JDP2: variants seen among roughly 807,000 people sequenced by gnomAD.
JDP2 encodes the protein Jun dimerization protein 2.
JDP2 carries 9 observed loss-of-function variants against 17.1 expected under a neutral mutation model. That is an observed-to-expected ratio of 0.53 (90% CI 0.32 to 0.92). The LOEUF (loss-of-function observed/expected upper bound fraction) is 0.92, where lower values mean the gene tolerates loss of function less well. Ranked by LOEUF, JDP2 falls within the 40% of genes least tolerant of loss-of-function variation. The pLI, the probability that JDP2 is intolerant of heterozygous loss-of-function variation, is 0.04. For missense variants in JDP2, 179 were observed against 220.0 expected (o/e 0.81, Z 1.18); for synonymous variants, 107 against 95.6 (o/e 1.12, Z -0.69).
chr14:75,452,105 T>A (rs1885892567), intron 2 of JDP2, among the ~76,000 whole-genome samples: 2 of 152,114 alleles, frequency 1.3e-5, no homozygotes, highest in Non-Finnish European at 2.9e-5. Flanking sequence ...TATAAGAAAT[T>A]AGGGGGCACC....
intron 2 of JDP2, among the ~76,000 whole-genome samples, chr14:75,448,955 A>T (rs1174086209): frequency 4.6e-5 from 7 of 152,160 alleles, no homozygotes; most frequent in Non-Finnish European, 7.4e-5. Context: ...ATCTCCTTAA[A>T]TAAATCACTC....
At chr14:75,435,371 C>T (rs906429309) in intron 1 of JDP2, among the ~76,000 whole-genome samples, 5 of 152,166 alleles carry the variant, frequency 3.3e-5, no homozygotes, top group Admixed American at 1.3e-4. Context: ...TGCAGGCTAC[C>T]GTGGAGTTAT....
chr14:75,437,690 AGT>A (rs1885131155), intron 1 of JDP2, among the ~76,000 whole-genome samples: 1 of 152,268 alleles, frequency 6.6e-6, no homozygotes, highest in African/African-American at 2.4e-5. Flanking sequence ...CACTTCTGGC[AGT>A]GCCAAGGGTG....
At chr14:75,446,454 A>G (rs749435805) in intron 2 of JDP2, among the ~76,000 whole-genome samples, 8 of 152,272 alleles carry the variant, frequency 5.3e-5, no homozygotes, top group Non-Finnish European at 1.0e-4. Context: ...TATCCATACA[A>G]TGGATTATTA....
At chr14:75,435,404 A>G (rs1462984182) in intron 1 of JDP2, among the ~76,000 whole-genome samples, 1 of 152,126 alleles carries the variant, frequency 6.6e-6, no homozygotes, top group Non-Finnish European at 1.5e-5. Context: ...CTAAACCTGG[A>G]TCTCCATGGG....
In JDP2 at chr14:75,430,433, TTA is replaced by T. The variant is rs1325578254; in HGVS notation, c.-24+2183_-24+2184del. Among the ~76,000 whole-genome samples, 1 of 152,210 alleles carries T rather than the reference TTA, an allele frequency of 6.6e-6. No individual in the cohort carries two copies. ...TTTGCTTTTTTTCCATGCGAATGAA[TTA>T]TGTTTGAAACCGAAATGGGAGGAAG... is the stretch of plus-strand genomic sequence containing the variant. On this transcript the variant is annotated intron_variant, in intron 1 of 3. Transcript: ENST00000651602. This position sits in a 1 kb window ranked among gnomAD's most constrained non-coding sequence, Gnocchi z 4.5.
intron 2 of JDP2, among the ~76,000 whole-genome samples, chr14:75,446,100 T>C (rs565797538): frequency 3.0e-4 from 45 of 152,078 alleles, no homozygotes; most frequent in African/African-American, 1.1e-3. Context: ...AAAACCACAA[T>C]GAGATACTAC....
chr14:75,431,150 G>A lies in JDP2; in HGVS notation c.-24+2898G>A, dbSNP rs141676545. Among the ~76,000 whole-genome samples, 355 of 152,352 alleles carry A rather than the reference G, an allele frequency of 2.3e-3. 3 individuals are homozygous for A. Among genetic ancestry groups the A allele is most frequent in the African/African-American group, 8.1e-3 (336 of 41,574 alleles). ...GGACCAGAGCTGGCGTGAAGTAGAA[G>A]GGAAAATAGAAAGCTTGTCCAATGG... is the stretch of plus-strand genomic sequence containing the variant. On this transcript the variant is annotated intron_variant, in intron 1 of 3. Coordinates refer to ENST00000651602, the MANE Select transcript of JDP2 (RefSeq NM_001135048.2).
intron 2 of JDP2, among the ~76,000 whole-genome samples, chr14:75,451,093 G>T (rs1885836949): frequency 6.6e-6 from 1 of 152,178 alleles, no homozygotes; most frequent in Non-Finnish European, 1.5e-5. Context: ...ATCAACAGGT[G>T]GTAAGACCAC....
chr14:75,457,372 G>A (rs138820041), intron 2 of JDP2, among the ~76,000 whole-genome samples: 2 of 152,368 alleles, frequency 1.3e-5, no homozygotes, highest in African/African-American at 4.8e-5. Context: ...AGTGGTCCCT[G>A]TCTAGGGGTA....
intron 2 of JDP2, among the ~76,000 whole-genome samples, chr14:75,444,133 G>T (rs533460138): frequency 1.3e-5 from 2 of 152,170 alleles, no homozygotes; most frequent in East Asian, 3.9e-4. Context: ...TGGACTCCTG[G>T]GCTCAAGCGA....
chr14:75,467,364 G>A (rs918725132), intron 3 of JDP2, among the ~76,000 whole-genome samples: 15 of 151,964 alleles, frequency 9.9e-5, no homozygotes, highest in Non-Finnish European at 7.3e-5. Flanking sequence ...TCTGAACCCT[G>A]GGTGGCTGTT....
intron 3 of JDP2, among the ~76,000 whole-genome samples, chr14:75,463,093 T>C (rs994703680): frequency 6.6e-6 from 1 of 152,320 alleles, no homozygotes; most frequent in East Asian, 1.9e-4. Flanking sequence ...CAAGAGCTTG[T>C]CAGCCAGTTA....
chr14:75,433,989 G>A (rs534610652), intron 1 of JDP2, among the ~76,000 whole-genome samples: 1 of 152,264 alleles, frequency 6.6e-6, no homozygotes, highest in Admixed American at 6.5e-5. Context: ...GAAGCTTTTA[G>A]TGCGTAGTTC....
At chr14:75,454,747 A>G (rs1263695092) in intron 2 of JDP2, among the ~76,000 whole-genome samples, 1 of 152,110 alleles carries the variant, frequency 6.6e-6, no homozygotes, top group Non-Finnish European at 1.5e-5. Flanking sequence ...CAGCAAGTAC[A>G]AACCCGGGGG....
intron 2 of JDP2, among the ~76,000 whole-genome samples, chr14:75,454,896 G>A (rs1273192466): frequency 6.6e-6 from 1 of 152,072 alleles, no homozygotes; most frequent in Non-Finnish European, 1.5e-5. Flanking sequence ...ACATGTGTTG[G>A]AAGCTGTTGG....
At chr14:75,437,125 C>G (rs1461319963) in intron 1 of JDP2, among the ~76,000 whole-genome samples, 1 of 133,046 alleles carries the variant, frequency 7.5e-6, no homozygotes, top group African/African-American at 2.9e-5. Context: ...ACCCAGGAGG[C>G]GGAGGTTGCA....
intron 1 of JDP2, among the ~76,000 whole-genome samples, chr14:75,435,738 T>A (rs1235400382): frequency 1.3e-5 from 2 of 152,206 alleles, no homozygotes; most frequent in Non-Finnish European, 2.9e-5. Context: ...TCAATGTGAT[T>A]GAGCCTCAGA....
rs893648921 is a variant in JDP2, at chr14:75,453,480, G to C, written c.202-7946G>C. On this transcript the variant is annotated intron_variant, in intron 2 of 3. Coordinates refer to ENST00000651602, the MANE Select transcript of JDP2 (RefSeq NM_001135048.2). ...CTTTCTGTGCCGCATTCTGCCCGGAGGCAGGCCAGTGTGCCGCTGCTGCAA... is the reference window on the plus strand; with the variant it reads ...CTTTCTGTGCCGCATTCTGCCCGGACGCAGGCCAGTGTGCCGCTGCTGCAA... 5.6e-4 allele frequency among the ~76,000 whole-genome samples: 86 copies of C among 152,332 alleles called. 1 individual carries two copies. Among genetic ancestry groups the C allele is most frequent in the African/African-American group, 1.8e-3 (73 of 41,570 alleles).
Sources: gnomAD v4.1 joint callset for allele counts (sites outside exome capture counted in the v4.1 genomes callset) on GRCh38, gnomAD v4.1.1 for gene constraint, Gnocchi (gnomAD v3.1) non-coding constraint, MANE v1.5 for transcripts, NCBI Gene and HGNC (gene_info 2026-07-23, HGNC 2026-07-21) for gene names.